The following ZDHHC7 variants were observed in gnomAD, a reference collection of about 807,000 sequenced individuals.
ZDHHC7 encodes the protein palmitoyltransferase ZDHHC7.
In ZDHHC7, 12 loss-of-function variants were observed where a neutral mutation model predicts 34.1. That is an observed-to-expected ratio of 0.35 (90% confidence interval 0.23 to 0.57). The LOEUF is 0.57. Among genes scored for constraint, ZDHHC7 ranks in the 20% least tolerant of loss-of-function variants. ZDHHC7 has a pLI of 0.84. For missense variants in ZDHHC7, 388 were observed against 402.7 expected (o/e 0.96, Z 0.31); for synonymous variants, 185 against 155.4 (o/e 1.19, Z -1.42).
rs1384640631 is a variant in ZDHHC7, at chr16:84,983,371, T to G, written c.316-1377A>C. ...GGCTCCGGAGCCACAGATCTGAACC[T>G]CTGCAGGGTGAGGGTTGACATCCAA... is the stretch of plus-strand genomic sequence containing the variant. On this transcript the variant is annotated intron_variant, in intron 3 of 7. Transcript: ENST00000313732. Among the ~76,000 whole-genome samples, 3 of 152,138 alleles carry G rather than the reference T, an allele frequency of 2.0e-5. No individual in the cohort carries two copies. The East Asian group carries it at 5.8e-4, about 29-fold the overall frequency.
chr16:85,020,485 C>T, the ZDHHC7 span, among the ~76,000 whole-genome samples: 2 of 152,152 alleles, frequency 1.3e-5, no homozygotes, highest in South Asian at 2.1e-4. Flanking sequence ...AGGACTCTGA[C>T]TTGGTCTGGA....
In ZDHHC7 at chr16:84,974,943, A is replaced by G. The variant is rs1336941794; in HGVS notation, c.*1400T>C. 2 of 152,682 alleles carry G rather than the reference A, an allele frequency of 1.3e-5. No homozygotes were observed. The highest frequency in any genetic ancestry group is 2.9e-5 in the Non-Finnish European group (2 of 68,070). 9.5% of individuals were successfully genotyped at this position (152,682 alleles called of 1,614,324 possible). ...CAGTTCACAGATGAACAGAAAGGCA[A>G]AACAATTCCCAGGAGGGAGACGCCA... On this transcript the variant is annotated 3_prime_UTR_variant, in exon 8 of 8. Coordinates refer to ENST00000313732, the MANE Select transcript of ZDHHC7 (RefSeq NM_017740.3).
chr16:85,017,248 C>G, the ZDHHC7 span, among the ~76,000 whole-genome samples: 1 of 152,242 alleles, frequency 6.6e-6, no homozygotes, highest in South Asian at 2.1e-4. Context: ...AAGAGAATAT[C>G]TGAAAGATAT....
At chr16:85,010,086 C>G (rs914795314) in intron 1 of ZDHHC7, among the ~76,000 whole-genome samples, 1 of 150,694 alleles carries the variant, frequency 6.6e-6, no homozygotes, top group Non-Finnish European at 1.5e-5. Context: ...CTCTGTTGCC[C>G]AGGCTGCAGT....
At position 84,999,904 on chromosome 16, in the gene ZDHHC7, T is replaced by G. The variant is rs909799837; in HGVS notation, c.-103-3897A>C. 8.5e-5 allele frequency among the ~76,000 whole-genome samples: 13 copies of G among 152,182 alleles called. 1 individual carries two copies. The highest frequency in any genetic ancestry group is 1.6e-4 in the Non-Finnish European group (11 of 68,030). On this transcript the variant is annotated intron_variant, in intron 1 of 7. Transcript: ENST00000313732. ...GCTCATACCTGTAATCCCAGTGCTT[T>G]GGGAGTCCAAGGCAGGATCACTTAA...
chr16:85,006,350 C>T (rs1052221294), intron 1 of ZDHHC7, among the ~76,000 whole-genome samples: 1 of 151,902 alleles, frequency 6.6e-6, no homozygotes, highest in Admixed American at 6.6e-5. Flanking sequence ...CAGAGAGAGA[C>T]CCTGTCTCAA....
At chr16:85,026,909 G>C in the ZDHHC7 span, among the ~76,000 whole-genome samples, 1 of 152,068 alleles carries the variant, frequency 6.6e-6, no homozygotes, top group African/African-American at 2.4e-5. Context: ...GCTAGGTGCT[G>C]GAGTCGAGTT....
chr16:85,000,619 C>G (rs56074626), intron 1 of ZDHHC7, among the ~76,000 whole-genome samples: 25,732 of 152,170 alleles, frequency 0.17, 2,416 homozygotes, highest in Admixed American at 0.28. Flanking sequence ...TTCATACACC[C>G]ACTTCAGCCC....
At chr16:85,023,267 A>G in the ZDHHC7 span, among the ~76,000 whole-genome samples, 2 of 151,636 alleles carry the variant, frequency 1.3e-5, no homozygotes, top group African/African-American at 4.9e-5. Flanking sequence ...CCCAGGTTCA[A>G]GCAATTCTCC....
chr16:85,022,434 A>C, the ZDHHC7 span, among the ~76,000 whole-genome samples: 2 of 152,042 alleles, frequency 1.3e-5, no homozygotes, highest in Non-Finnish European at 2.9e-5. Flanking sequence ...GAGGCAGGAG[A>C]ATCACTTGAA....
chr16:84,983,080 C>T (rs1339683012), intron 3 of ZDHHC7, among the ~76,000 whole-genome samples: 1 of 152,196 alleles, frequency 6.6e-6, no homozygotes, highest in African/African-American at 2.4e-5. Flanking sequence ...CTGGGGGTTC[C>T]AATGCCTCAA....
chr16:85,003,042 T>G lies in ZDHHC7; in HGVS notation c.-103-7035A>C, dbSNP rs9921078. Among the ~76,000 whole-genome samples the G allele has an allele frequency of 5.2e-3, 795 of 152,074 alleles. 11 individuals are homozygous for G. The highest frequency in any genetic ancestry group is 0.018 in the African/African-American group (751 of 41,472). Reference sequence around the variant, plus strand: ...AAAAGCCCAGCCCAGCACCATAAACTTACCCAGGGCTGGAGATTAGCCAGG... The same window carrying G: ...AAAAGCCCAGCCCAGCACCATAAACGTACCCAGGGCTGGAGATTAGCCAGG... On this transcript the variant is annotated intron_variant, in intron 1 of 7. Coordinates refer to ENST00000313732, the MANE Select transcript of ZDHHC7 (RefSeq NM_017740.3).
At chr16:84,999,914 A>T (rs149004201) in intron 1 of ZDHHC7, among the ~76,000 whole-genome samples, 1 of 152,314 alleles carries the variant, frequency 6.6e-6, no homozygotes, top group East Asian at 1.9e-4. Context: ...TGGGAGTCCA[A>T]GGCAGGATCA....
chr16:84,990,208 A>T, intron 3 of ZDHHC7, 96 bp downstream of exon 3: 1 of 1,385,618 alleles, frequency 7.2e-7, no homozygotes, highest in Middle Eastern at 1.9e-4. Flanking sequence ...CCATGTCAAT[A>T]TGTCCCTGTG....
chr16:84,997,437 T>G (rs2072594339), intron 1 of ZDHHC7, among the ~76,000 whole-genome samples: 1 of 150,748 alleles, frequency 6.6e-6, no homozygotes, highest in Non-Finnish European at 1.5e-5. Context: ...CCCAGCTAAT[T>G]ATCTTTTGTA....
rs1214713008 is a variant in ZDHHC7, at chr16:84,975,512, G to T, written c.*831C>A. 2 of 152,612 alleles carry T rather than the reference G, an allele frequency of 1.3e-5. No homozygotes were observed. Among genetic ancestry groups the T allele is most frequent in the Non-Finnish European group, 2.9e-5 (2 of 68,044 alleles). 9.5% of individuals were successfully genotyped at this position (152,612 alleles called of 1,614,324 possible). A position where few individuals can be genotyped will look rare whatever the true frequency, so the allele number is the denominator to read the frequency against. On this transcript the variant is annotated 3_prime_UTR_variant, in exon 8 of 8. Coordinates refer to ENST00000313732, the MANE Select transcript of ZDHHC7 (RefSeq NM_017740.3). Reference sequence around the variant, plus strand: ...AAGATTTCTTTAAAAAATGAAAGCAGGAGGGCAACGAAGGGCCGCACAGGA... The same window carrying T: ...AAGATTTCTTTAAAAAATGAAAGCATGAGGGCAACGAAGGGCCGCACAGGA...
At chr16:84,994,143 G>C (rs778449465) in intron 2 of ZDHHC7, among the ~76,000 whole-genome samples, 2 of 152,246 alleles carry the variant, frequency 1.3e-5, no homozygotes, top group African/African-American at 2.4e-5. Context: ...CTCCCGGCCT[G>C]ATGTCAGCCC....
intron 3 of ZDHHC7, among the ~76,000 whole-genome samples, chr16:84,986,035 C>G (rs1282264053): frequency 6.7e-6 from 1 of 149,264 alleles, no homozygotes; most frequent in African/African-American, 2.5e-5. Flanking sequence ...AAATACATTG[C>G]TTTACATGAG....
chr16:85,014,097 A>C (rs2072824608), upstream of ZDHHC7, among the ~76,000 whole-genome samples: 1 of 152,170 alleles, frequency 6.6e-6, no homozygotes, highest in African/African-American at 2.4e-5. Context: ...GCCCATTTTA[A>C]AGTTTTCTCA....
Sources: allele counts gnomAD v4.1 joint callset (sites outside exome capture counted in the v4.1 genomes callset), GRCh38; gene constraint gnomAD v4.1.1; transcripts MANE v1.5; gene names NCBI Gene and HGNC (gene_info 2026-07-23, HGNC 2026-07-21).